The following CNOT1 variants were observed in gnomAD, a reference collection of about 807,000 sequenced individuals.
CNOT1 encodes CCR4-associated factor 1.
A neutral mutation model predicts 273.8 loss-of-function variants in CNOT1; 15 were observed. The ratio of observed to expected loss-of-function variants is 0.05; its 90% CI spans 0.04 to 0.08. CNOT1 has a LOEUF of 0.08. CNOT1 is among the 10% of genes least tolerant of loss of function. The pLI is 1.00. For synonymous variants in CNOT1, 1,022 were observed against 1,005.5 expected (o/e 1.02, Z -0.31); for missense variants, 1,644 against 2,912.2 (o/e 0.56, Z 10.02).
intron 45 of CNOT1, 83 bp from the exon 46 acceptor site, chr16:58,525,442 C>T (rs987050197): frequency 3.3e-6 from 4 of 1,207,164 alleles, no homozygotes; most frequent in Admixed American, 2.2e-5. Context: ...ACCCTTCTTA[C>T]ACCTTCATGG....
chr16:58,526,312 C>G (rs377217418), intron 44 of CNOT1, among the ~76,000 whole-genome samples, 174 bp from the exon 45 acceptor site: 1 of 151,956 alleles, frequency 6.6e-6, no homozygotes, highest in South Asian at 2.1e-4. Flanking sequence ...AATCTTGGTT[C>G]AAAATGATAA....
chr16:58,548,304 A>T (rs552426278), intron 25 of CNOT1, among the ~76,000 whole-genome samples: 4 of 152,344 alleles, frequency 2.6e-5, no homozygotes, highest in Middle Eastern at 3.4e-3. Flanking sequence ...GGGGGGCAGA[A>T]CTAACATAGG....
rs892967518 is a variant in CNOT1, at chr16:58,547,769, C to T, written c.3523-87G>A. The stretch of plus-strand genomic sequence containing the variant: ...GTATTTGAGAATTCCATTATCCTAT[C>T]CTAAAGACAAGTCATCATTTCTAAG... On this transcript the variant is annotated intron_variant, in intron 25 of 48. Transcript: ENST00000317147. This position sits in a 1 kb window ranked among gnomAD's most constrained non-coding sequence, Gnocchi z 4.0. The T allele has an allele frequency of 2.6e-5, 33 of 1,287,470 alleles. No individual in the cohort carries two copies. Among genetic ancestry groups the T allele is most frequent in the Non-Finnish European group, 3.4e-5 (32 of 951,356 alleles). The allele number at this position is 1,287,470 out of a possible 1,614,324, so 79.8% of individuals were successfully genotyped here.
chr16:58,617,838 T>A (rs1172861486), intron 1 of CNOT1, among the ~76,000 whole-genome samples: 1 of 152,170 alleles, frequency 6.6e-6, no homozygotes, highest in African/African-American at 2.4e-5. Context: ...AGACCCTGTC[T>A]CTACAACTAC....
chr16:58,520,989 T>A lies in CNOT1; in HGVS notation c.7100A>T (p.Gln2367Leu). 6.2e-7 allele frequency: 1 copy of A among 1,614,046 alleles called. No individual in the cohort carries two copies. The highest frequency in any genetic ancestry group is 8.5e-7 in the Non-Finnish European group (1 of 1,180,018). The change falls in exon 49 of 49, where the codon CAG becomes CTG. Residue 2367 changes from glutamine (Q) to leucine (L), a missense_variant. Physicochemically the swap from Gln to Leu is moderately radical, Grantham distance 113. Coordinates refer to ENST00000317147, the MANE Select transcript of CNOT1 (RefSeq NM_016284.5). ...GGCACCTGTCCCTTCCATTACTTGC[T>A]GGGCCTGCTTCTGTCCCATGCAGCA... The part of the protein sequence containing the change: ...AQCCMGQKQA[Q>L]QVMEGTGAS
intron 1 of CNOT1, among the ~76,000 whole-genome samples, chr16:58,608,450 G>T (rs1362619534): frequency 1.3e-5 from 2 of 151,118 alleles, no homozygotes; most frequent in African/African-American, 2.4e-5. Flanking sequence ...AGCTACTCGG[G>T]AAGCTGAGGC....
At chr16:58,619,269 T>A (rs1456534958) in intron 1 of CNOT1, among the ~76,000 whole-genome samples, 2 of 151,622 alleles carry the variant, frequency 1.3e-5, no homozygotes, top group Non-Finnish European at 2.9e-5. Context: ...AAGAGAAAAC[T>A]CTCAAATCTC....
intron 1 of CNOT1, among the ~76,000 whole-genome samples, chr16:58,608,651 A>C (rs1567442159): frequency 1.3e-5 from 1 of 77,956 alleles, no homozygotes. Flanking sequence ...TATTATACAA[A>C]AAAGATACTT....
At chr16:58,585,682 T>C (rs947510406) in intron 7 of CNOT1, among the ~76,000 whole-genome samples, 176 bp from the exon 8 acceptor site, 5 of 152,224 alleles carry the variant, frequency 3.3e-5, no homozygotes, top group African/African-American at 1.2e-4. Context: ...ATTCCAAAAT[T>C]TGAATACTTT....
At chr16:58,558,419 C>A in intron 18 of CNOT1, 54 bp downstream of exon 18, 1 of 1,605,922 alleles carries the variant, frequency 6.2e-7, no homozygotes, top group Non-Finnish European at 8.5e-7. Context: ...AACACTAAGG[C>A]ATAACTAAGG....
intron 44 of CNOT1, among the ~76,000 whole-genome samples, chr16:58,527,739 CA>C (rs1216611972): frequency 3.3e-5 from 5 of 152,096 alleles, no homozygotes; most frequent in Non-Finnish European, 7.4e-5. Flanking sequence ...TTTGGTGTCC[CA>C]GTGGGTCCTA....
intron 1 of CNOT1, among the ~76,000 whole-genome samples, chr16:58,603,318 G>A (rs1028296699): frequency 1.3e-5 from 2 of 152,040 alleles, no homozygotes; most frequent in Admixed American, 6.6e-5. Flanking sequence ...CTGCTTGAAC[G>A]CGGGAGTTCA....
chr16:58,628,147 C>T (rs1482957226), intron 1 of CNOT1, among the ~76,000 whole-genome samples: 1 of 152,174 alleles, frequency 6.6e-6, no homozygotes, highest in Admixed American at 6.5e-5. Context: ...CTTGTTTCCA[C>T]TAAGACTTGG....
chr16:58,567,971 C>T (rs1156779813), intron 16 of CNOT1, among the ~76,000 whole-genome samples: 1 of 152,192 alleles, frequency 6.6e-6, no homozygotes, highest in Non-Finnish European at 1.5e-5. Context: ...ACCTTTTCTG[C>T]ATGAGGTGTT....
At position 58,540,043 on chromosome 16, in the gene CNOT1, T is replaced by TA. The variant is rs565427403; in HGVS notation, c.4801-85dup. 1,272 of 1,335,348 alleles carry TA rather than the reference T, an allele frequency of 9.5e-4. 12 individuals carry two copies. The highest frequency in any genetic ancestry group is 5.6e-3 in the Middle Eastern group (22 of 3,922). The allele number at this position is 1,335,348 out of a possible 1,614,324, so 82.7% of individuals were successfully genotyped here. Reference sequence around the variant, plus strand: ...ACACATGTATCAAATAGAGGTCTACTAGTATGTTTACTCCCTTTTTCTTAT... The same window carrying TA: ...ACACATGTATCAAATAGAGGTCTACTAAGTATGTTTACTCCCTTTTTCTTAT... On this transcript the variant is annotated intron_variant, in intron 34 of 48. Transcript: ENST00000317147.
intron 40 of CNOT1, 55 bp from the exon 41 acceptor site, chr16:58,532,450 T>G (rs753303907): frequency 4.4e-6 from 7 of 1,578,728 alleles, no homozygotes; most frequent in Non-Finnish European, 6.0e-6. Flanking sequence ...CACTCACCAC[T>G]TCGATGTCAT....
At chr16:58,546,081 G>A (rs567721305) in intron 29 of CNOT1, among the ~76,000 whole-genome samples, 52 of 152,224 alleles carry the variant, frequency 3.4e-4, no homozygotes, top group African/African-American at 1.2e-3. Context: ...GGTATGAGAG[G>A]CAACTGATTA....
rs951371987 is a variant in CNOT1 at position 58,583,792 on chromosome 16, G to A, written c.807-610C>T. ...GGCCTCAAGTGATCCACCCACCTCA[G>A]CCTCCCAAAGTGCTGGGATTACAGG... On this transcript the variant is annotated intron_variant, in intron 8 of 48. Transcript: ENST00000317147. 3.3e-5 allele frequency among the ~76,000 whole-genome samples: 5 copies of A among 152,038 alleles called. No homozygotes were observed. In the East Asian group the frequency reaches 7.7e-4, roughly 24 times the overall value.
intron 47 of CNOT1, among the ~76,000 whole-genome samples, chr16:58,522,742 G>A (rs919558150): frequency 1.3e-5 from 2 of 152,162 alleles, no homozygotes; most frequent in African/African-American, 4.8e-5. Flanking sequence ...CATGATTTAG[G>A]ACTGGTTATC....
Sources: gnomAD v4.1 joint callset for allele counts (sites outside exome capture counted in the v4.1 genomes callset) on GRCh38, gnomAD v4.1.1 for gene constraint, Gnocchi (gnomAD v3.1) non-coding constraint, MANE v1.5 for transcripts, NCBI Gene and HGNC (gene_info 2026-07-23, HGNC 2026-07-21) for gene names.